The following STX8 variants were observed in gnomAD, a reference collection of about 807,000 sequenced individuals.
STX8 encodes the protein syntaxin 8, also known as syntaxin-8.
Under a neutral mutation model 37.5 loss-of-function variants are expected in STX8, and 23 were observed. The observed-to-expected ratio is 0.61, with a 90% CI of 0.44 to 0.87. The LOEUF (loss-of-function observed/expected upper bound fraction) is 0.87, where lower values mean the gene tolerates loss of function less well. Among genes scored for constraint, STX8 ranks in the 40% least tolerant of loss-of-function variants. The pLI, the probability that STX8 is intolerant of heterozygous loss-of-function variation, is 0.00. For synonymous variants in STX8, 115 were observed against 99.1 expected, an observed-to-expected ratio of 1.16 and a Z score of -0.95; for missense variants, 313 against 284.7, an observed-to-expected ratio of 1.10 and a Z score of -0.71.
At chr17:9,567,869 A>G (rs1907523780) in intron 2 of STX8, among the ~76,000 whole-genome samples, 1 of 152,014 alleles carries the variant, frequency 6.6e-6, no homozygotes, top group African/African-American at 2.4e-5. Context: ...TATTTTTAGT[A>G]GAGATGGGGT....
chr17:9,462,758 G>C (rs1384941728), intron 6 of STX8, among the ~76,000 whole-genome samples: 3 of 152,140 alleles, frequency 2.0e-5, no homozygotes, highest in Admixed American at 6.6e-5. Context: ...AAAAAGCATG[G>C]GGAATAATAA....
chr17:9,322,689 A>T (rs1198775321), intron 7 of STX8, among the ~76,000 whole-genome samples: 1 of 152,040 alleles, frequency 6.6e-6, no homozygotes, highest in African/African-American at 2.4e-5. Flanking sequence ...TTACGGCCTT[A>T]GTCTTATATT....
At chr17:9,362,799 A>G (rs531426832) in intron 7 of STX8, among the ~76,000 whole-genome samples, 413 of 148,802 alleles carry the variant, frequency 2.8e-3, no homozygotes, top group Admixed American at 4.9e-3. Context: ...TCCAGCCTGG[A>G]GCCTGGGCGA....
rs10694244 is a variant in STX8, at chr17:9,547,642, A to AAAAAAAAAAG, written c.213-2361_213-2360insCTTTTTTTTT. On this transcript the variant is annotated intron_variant, in intron 3 of 7. Coordinates refer to ENST00000306357, the MANE Select transcript of STX8 (RefSeq NM_004853.3). ...GACTCCGTCTCAAAAAAAAAAAAGAAAAAAGAAAAGAAAAGAAAAGAAATA... is the reference window on the plus strand; with the variant it reads ...GACTCCGTCTCAAAAAAAAAAAAGAAAAAAAAAAAGAAAAGAAAAGAAAAGAAAAGAAATA... Among the ~76,000 whole-genome samples the AAAAAAAAAAG allele has an allele frequency of 3.5e-4, 40 of 115,852 alleles. 1 individual carries two copies. Among genetic ancestry groups the AAAAAAAAAAG allele is most frequent in the East Asian group, 7.8e-4 (3 of 3,854 alleles). The allele number at this position is 115,852 out of a possible 152,430, so 76.0% of individuals were successfully genotyped here.
intron 6 of STX8, among the ~76,000 whole-genome samples, chr17:9,421,030 C>T (rs1460202997): frequency 6.6e-6 from 1 of 152,168 alleles, no homozygotes; most frequent in Admixed American, 6.5e-5. Context: ...CCTCCAAATT[C>T]GTTTCCCCAA....
intron 6 of STX8, among the ~76,000 whole-genome samples, chr17:9,488,179 A>T (rs1453747324): frequency 2.0e-5 from 3 of 152,166 alleles, no homozygotes; most frequent in Admixed American, 6.5e-5. Context: ...ATACAAAATT[A>T]GCTGGGCATG....
intron 6 of STX8, among the ~76,000 whole-genome samples, chr17:9,458,901 C>G (rs1213214703): frequency 6.6e-6 from 1 of 151,038 alleles, no homozygotes; most frequent in African/African-American, 2.4e-5. Flanking sequence ...GCAATCTCGG[C>G]TCACTGCAAG....
chr17:9,289,287 G>A (rs921936225), intron 7 of STX8, among the ~76,000 whole-genome samples: 2 of 152,110 alleles, frequency 1.3e-5, no homozygotes, highest in Non-Finnish European at 2.9e-5. Flanking sequence ...GAGGCTTAAG[G>A]GGGTAAATCA....
At chr17:9,452,641 G>A (rs1905078278) in intron 6 of STX8, 1 of 152,086 alleles carries the variant, frequency 6.6e-6, no homozygotes, top group Non-Finnish European at 1.5e-5. Context: ...GAACAGCTAG[G>A]GGTTCTCAGG....
chr17:9,328,663 T>C lies in STX8; in HGVS notation c.643+49889A>G, dbSNP rs138753436. Among the ~76,000 whole-genome samples, 388 of 151,108 alleles carry C rather than the reference T, an allele frequency of 2.6e-3. 1 individual carries two copies. The highest frequency in any genetic ancestry group is 8.9e-3 in the African/African-American group (369 of 41,490). On this transcript the variant is annotated intron_variant, in intron 7 of 7. Coordinates refer to ENST00000306357, the MANE Select transcript of STX8 (RefSeq NM_004853.3). The stretch of plus-strand genomic sequence containing the variant: ...CCTCTTAGGGCTGTAAGGATATCCC[T>C]AACTGTCATCAAATTGTCAAGGCTA...
intron 4 of STX8, among the ~76,000 whole-genome samples, chr17:9,524,808 ACT>A (rs1309882811): frequency 7.8e-6 from 1 of 128,278 alleles, no homozygotes; most frequent in African/African-American, 2.8e-5. Flanking sequence ...ATGGGGTCTC[ACT>A]CTGTTTTTTT....
chr17:9,556,569 G>A (rs1248692816), intron 3 of STX8, among the ~76,000 whole-genome samples: 4 of 151,646 alleles, frequency 2.6e-5, no homozygotes, highest in Non-Finnish European at 5.9e-5. Context: ...AACCTCCTGA[G>A]TAGCTGGGAG....
chr17:9,374,566 CCTT>C (rs1186431414), intron 7 of STX8, among the ~76,000 whole-genome samples: 1 of 152,072 alleles, frequency 6.6e-6, no homozygotes, highest in Non-Finnish European at 1.5e-5. Flanking sequence ...CACATGCTGA[CCTT>C]CATCGACATG....
In STX8 at chr17:9,320,990, C is replaced by G. The variant is rs985213835; in HGVS notation, c.643+57562G>C. Among the ~76,000 whole-genome samples the G allele has an allele frequency of 2.6e-4, 38 of 147,096 alleles. 1 individual carries two copies. The highest frequency in any genetic ancestry group is 9.0e-4 in the African/African-American group (36 of 39,936). On this transcript the variant is annotated intron_variant, in intron 7 of 7. Coordinates refer to ENST00000306357, the MANE Select transcript of STX8 (RefSeq NM_004853.3). ...AACTCTAGTTAAATTGGAGTGCAAA[C>G]GTTATCAACAGCTGATAGAAATGAA...
At position 9,546,590 on chromosome 17, in the gene STX8, G is replaced by GTTTTTTTTTTTTTTTTTTTTTTTTTTTT. The variant is rs745424722; in HGVS notation, c.213-1309_213-1308insAAAAAAAAAAAAAAAAAAAAAAAAAAAA. Reference sequence around the variant, plus strand: ...CTTTCTTGATGCAAACTACAAAAGTGGTTTTTTTTTTTTTTTTTTTTTTTT... The same window carrying GTTTTTTTTTTTTTTTTTTTTTTTTTTTT: ...CTTTCTTGATGCAAACTACAAAAGTGTTTTTTTTTTTTTTTTTTTTTTTTTTTTGTTTTTTTTTTTTTTTTTTTTTTTT... On this transcript the variant is annotated intron_variant, in intron 3 of 7. Coordinates refer to ENST00000306357, the MANE Select transcript of STX8 (RefSeq NM_004853.3). Among the ~76,000 whole-genome samples, 19 of 62,226 alleles carry GTTTTTTTTTTTTTTTTTTTTTTTTTTTT rather than the reference G, an allele frequency of 3.1e-4. 1 individual carries two copies. The highest frequency in any genetic ancestry group is 5.3e-4 in the African/African-American group (9 of 17,100). The allele number at this position is 62,226 out of a possible 152,430, so 40.8% of individuals were successfully genotyped here.
intron 7 of STX8, among the ~76,000 whole-genome samples, chr17:9,311,274 A>G (rs1194061905): frequency 1.3e-5 from 2 of 151,982 alleles, no homozygotes; most frequent in South Asian, 2.1e-4. Flanking sequence ...CAGTGGGGTA[A>G]TACAGAAAAC....
chr17:9,555,160 C>T (rs1906916670), intron 3 of STX8: 2 of 152,104 alleles, frequency 1.3e-5, no homozygotes, highest in Non-Finnish European at 2.9e-5. Flanking sequence ...TTTTAAATAA[C>T]TCTTGTTCAG....
chr17:9,494,007 TG>T (rs199741177), intron 5 of STX8, among the ~76,000 whole-genome samples: 109,875 of 148,884 alleles, frequency 0.74, 42,041 homozygotes, highest in Middle Eastern at 0.9. Flanking sequence ...TTTTTTGTTT[TG>T]TTTTTTTGTT....
At chr17:9,544,430 G>T (rs375182268) in intron 4 of STX8, among the ~76,000 whole-genome samples, 1 of 152,170 alleles carries the variant, frequency 6.6e-6, no homozygotes, top group African/African-American at 2.4e-5. Flanking sequence ...AGAATGGGGA[G>T]GAGGATCCAA....
Sources: gnomAD v4.1 joint callset for allele counts (sites outside exome capture counted in the v4.1 genomes callset) on GRCh38, gnomAD v4.1.1 for gene constraint, MANE v1.5 for transcripts, NCBI Gene and HGNC (gene_info 2026-07-23, HGNC 2026-07-21) for gene names.